The following ADAM19 variants were observed in gnomAD, a reference collection of about 807,000 sequenced individuals.
ADAM19 encodes the protein ADAM metallopeptidase domain 19, also known as disintegrin and metalloproteinase domain-containing protein 19.
In ADAM19, 65 loss-of-function variants were observed where a neutral mutation model predicts 114.7. The ratio of observed to expected loss-of-function variants is 0.57; its 90% confidence interval spans 0.46 to 0.70. The LOEUF is 0.70. Among genes scored for constraint, ADAM19 ranks in the 30% least tolerant of loss-of-function variants. ADAM19 has a pLI of 0.00. For missense variants in ADAM19, 1,063 were observed against 1,204.7 expected, an observed-to-expected ratio of 0.88 and a Z score of 1.74; for synonymous variants, 466 against 460.5, an observed-to-expected ratio of 1.01 and a Z score of -0.15.
chr5:157,557,089 G>A lies in ADAM19; in HGVS notation c.251+7284C>T, dbSNP rs375637314. Among the ~76,000 whole-genome samples the A allele has an allele frequency of 1.2e-3, 179 of 152,146 alleles. 4 individuals are homozygous for A. The South Asian group carries it at 0.035, about 30-fold the overall frequency. ...TTGTTTGTTTGGTTGGTTGGTTTTGGTAGAGACAGGGTTTTGCCACATTGC... is the reference window on the plus strand; with the variant it reads ...TTGTTTGTTTGGTTGGTTGGTTTTGATAGAGACAGGGTTTTGCCACATTGC... On this transcript the variant is annotated intron_variant, in intron 3 of 22. Transcript: ENST00000257527.
chr5:157,558,415 GA>G (rs1250511678), intron 3 of ADAM19, among the ~76,000 whole-genome samples: 10 of 152,210 alleles, frequency 6.6e-5, no homozygotes, highest in African/African-American at 2.4e-4. Flanking sequence ...CTTGGTTAAA[GA>G]ATGATATCCT....
At chr5:157,497,150 C>T in intron 13 of ADAM19, 61 bp from the exon 14 acceptor site, 1 of 1,389,622 alleles carries the variant, frequency 7.2e-7, no homozygotes. Context: ...ACCCTGTTGC[C>T]CAAGGGCTCA....
At chr5:157,563,979 T>C (rs1261876161) in intron 3 of ADAM19, among the ~76,000 whole-genome samples, 1 of 152,202 alleles carries the variant, frequency 6.6e-6, no homozygotes, top group Non-Finnish European at 1.5e-5. Flanking sequence ...CACCCTGCTT[T>C]GCTCGCTCCT....
intron 9 of ADAM19, among the ~76,000 whole-genome samples, chr5:157,508,426 T>C (rs113653094): frequency 6.6e-6 from 1 of 152,060 alleles, no homozygotes; most frequent in African/African-American, 2.4e-5. Context: ...TTGGCCAACA[T>C]GGCAAAATCC....
At chr5:157,565,926 T>G (rs903660848) in intron 2 of ADAM19, 2 of 151,546 alleles carry the variant, frequency 1.3e-5, no homozygotes, top group Non-Finnish European at 2.9e-5. Flanking sequence ...CTGACCAACA[T>G]GGTGAAACCC....
chr5:157,489,204 G>A lies in ADAM19; in HGVS notation c.2241-18C>T. 6.3e-7 allele frequency: 1 copy of A among 1,590,308 alleles called. No individual in the cohort carries two copies. Among genetic ancestry groups the A allele is most frequent in the South Asian group, 1.1e-5 (1 of 90,392 alleles). On this transcript the variant is annotated intron_variant, in intron 19 of 22. Coordinates refer to ENST00000257527, the MANE Select transcript of ADAM19 (RefSeq NM_033274.5). ...AGGGACAACTAGAAACAAGAAATGGGGGAGGAAAAGAAAGGGGACGATGTT... is the reference window on the plus strand; with the variant it reads ...AGGGACAACTAGAAACAAGAAATGGAGGAGGAAAAGAAAGGGGACGATGTT...
At chr5:157,527,297 G>A (rs539097992) in intron 5 of ADAM19, among the ~76,000 whole-genome samples, 62 of 152,164 alleles carry the variant, frequency 4.1e-4, no homozygotes, top group African/African-American at 1.4e-3. Flanking sequence ...TGCAAGCTCC[G>A]CCTCCCGGGT....
intron 3 of ADAM19, among the ~76,000 whole-genome samples, chr5:157,542,432 A>C (rs2113768765): frequency 6.6e-6 from 1 of 152,350 alleles, no homozygotes; most frequent in East Asian, 1.9e-4. Flanking sequence ...GCTTTGGTTT[A>C]AGCAGCAGCT....
intron 1 of ADAM19, among the ~76,000 whole-genome samples, chr5:157,573,396 C>T (rs1014269339): frequency 5.3e-5 from 8 of 152,130 alleles, no homozygotes; most frequent in African/African-American, 1.9e-4. Context: ...GTTATATAAT[C>T]TATATATATC....
intron 1 of ADAM19, among the ~76,000 whole-genome samples, chr5:157,573,461 C>T (rs1757885265): frequency 6.6e-6 from 1 of 152,210 alleles, no homozygotes; most frequent in African/African-American, 2.4e-5. Context: ...AAAAAGATAA[C>T]CTGGCCAGGC....
chr5:157,555,452 A>C (rs1757340868), intron 3 of ADAM19, among the ~76,000 whole-genome samples: 1 of 152,190 alleles, frequency 6.6e-6, no homozygotes, highest in Non-Finnish European at 1.5e-5. Flanking sequence ...CAATAACCAC[A>C]CAGATTATTG....
chr5:157,535,436 A>C (rs1331420059), intron 4 of ADAM19, among the ~76,000 whole-genome samples: 6 of 152,188 alleles, frequency 3.9e-5, no homozygotes, highest in Admixed American at 2.6e-4. Flanking sequence ...AGTTTATTCC[A>C]TTCCCATTTT....
At chr5:157,484,266 T>C (rs1164117742) in intron 21 of ADAM19, among the ~76,000 whole-genome samples, 1 of 152,242 alleles carries the variant, frequency 6.6e-6, no homozygotes, top group Non-Finnish European at 1.5e-5. Context: ...ATCCAGTTGA[T>C]TTTTACTTTG....
chr5:157,531,011 C>A, intron 4 of ADAM19, 128 bp from the exon 5 acceptor site: 3 of 712,386 alleles, frequency 4.2e-6, no homozygotes, highest in East Asian at 2.7e-5. Context: ...CACCTTACAA[C>A]CTGCAAAGAG....
At chr5:157,520,145 T>C (rs968013449) in intron 5 of ADAM19, 114 bp from the exon 6 acceptor site, 3 of 1,031,656 alleles carry the variant, frequency 2.9e-6, no homozygotes, top group Admixed American at 5.3e-5. Flanking sequence ...TGATCATTGG[T>C]TCTTAACCTA....
intron 3 of ADAM19, among the ~76,000 whole-genome samples, chr5:157,553,348 GA>G (rs1757257327): frequency 6.6e-6 from 1 of 152,078 alleles, no homozygotes; most frequent in Admixed American, 6.5e-5. Context: ...ATTAAAAAAG[GA>G]AAAGATAAAA....
chr5:157,533,693 G>A lies in ADAM19; in HGVS notation c.331-2810C>T, dbSNP rs149756478. Among the ~76,000 whole-genome samples, 480 of 152,252 alleles carry A rather than the reference G, an allele frequency of 3.2e-3. 3 individuals carry two copies. Among genetic ancestry groups the A allele is most frequent in the African/African-American group, 0.011 (449 of 41,548 alleles). ...TTAACAGAAAGAACTGAGGCCAGGC[G>A]CGGTGGCTCATGCCCGTAATCCCAG... On this transcript the variant is annotated intron_variant, in intron 4 of 22. Transcript: ENST00000257527.
At position 157,502,875 on chromosome 5, in the gene ADAM19, C is replaced by T; in HGVS notation, c.1236G>A (p.Met412Ile). Residue 412 changes from methionine to isoleucine, a missense_variant, in exon 12 of 23, where the codon ATG (methionine) becomes ATA (isoleucine). Transcript: ENST00000257527. The stretch of plus-strand genomic sequence containing the variant: ...TCCCACACCTCCGGCCTCCATACAA[C>T]ATCCTGGTGTCTGGCATGTTGGAGA... The part of the protein sequence containing the change: ...MCLSNMPDTR[M>I]LYGGRRCGNG... 1 of 1,614,228 alleles carries T rather than the reference C, an allele frequency of 6.2e-7. No individual in the cohort carries two copies. Among genetic ancestry groups the T allele is most frequent in the Non-Finnish European group, 8.5e-7 (1 of 1,180,048 alleles).
intron 14 of ADAM19, among the ~76,000 whole-genome samples, chr5:157,496,321 G>A (rs1755362922): frequency 1.3e-5 from 2 of 152,174 alleles, no homozygotes; most frequent in Admixed American, 1.3e-4. Flanking sequence ...CACATAGGTT[G>A]TTGTTGCTAT....
Sources: gnomAD v4.1 joint callset for allele counts (sites outside exome capture counted in the v4.1 genomes callset) on GRCh38, gnomAD v4.1.1 for gene constraint, MANE v1.5 for transcripts, NCBI Gene and HGNC (gene_info 2026-07-23, HGNC 2026-07-21) for gene names.